Variants in GAK observed in about 807,000 individuals in gnomAD.
GAK encodes the protein cyclin-G-associated kinase.
A neutral mutation model predicts 143.9 loss-of-function variants in GAK; 79 were observed. That is an observed-to-expected ratio of 0.55 (90% CI 0.46 to 0.66). The LOEUF (loss-of-function observed/expected upper bound fraction) is 0.66, where lower values mean the gene tolerates loss of function less well. GAK is among the 30% of genes least tolerant of loss of function. The probability of loss-of-function intolerance (pLI) is 0.00; values close to 1 mark genes in which losing one functional copy is unlikely to be tolerated. For missense variants in GAK, 1,693 were observed against 1,779.7 expected (o/e 0.95, Z 0.88); for synonymous variants, 881 against 765.5 (o/e 1.15, Z -2.49).
chr4:905,584 C>CCCAGGCCACGTTACGGACTCCGCCAAA (rs1560410627), intron 4 of GAK, among the ~76,000 whole-genome samples: 1 of 151,524 alleles, frequency 6.6e-6, no homozygotes, highest in Non-Finnish European at 1.5e-5. Flanking sequence ...TTCGCCACGC[C>CCCAGGCCACGTTACGGACTCCGCCAAA]CCAGGCCACG....
rs368682799 is a variant in GAK, at chr4:905,242, G to C, written c.383-463C>G. ...CCCCCACACCGTGGAGTGTACTTTT[G>C]TTTTCAATAAATTCCCGCTTTCGTT... is the stretch of plus-strand genomic sequence containing the variant. On this transcript the variant is annotated intron_variant, in intron 4 of 27. Transcript: ENST00000314167. Among the ~76,000 whole-genome samples the C allele has an allele frequency of 9.9e-5, 15 of 152,268 alleles. No homozygotes were observed. The South Asian group carries it at 2.9e-3, about 29-fold the overall frequency.
intron 10 of GAK, 70 bp downstream of exon 10, chr4:890,462 A>C: frequency 1.7e-6 from 2 of 1,202,568 alleles, no homozygotes; most frequent in South Asian, 1.4e-5. Flanking sequence ...ACTCCATCCC[A>C]ATGTGCTGCG....
At chr4:871,726 G>A (rs1252723530) in intron 18 of GAK, among the ~76,000 whole-genome samples, 1 of 151,956 alleles carries the variant, frequency 6.6e-6, no homozygotes, top group African/African-American at 2.4e-5. Flanking sequence ...GGTCAGCAGG[G>A]CCCGCCTTGG....
intron 24 of GAK, 167 bp downstream of exon 24, chr4:859,439 G>C (rs1422377892): frequency 6.3e-7 from 1 of 1,583,126 alleles, no homozygotes; most frequent in East Asian, 2.3e-5. Context: ...CAGTCGCCTG[G>C]AACAGGTGCA....
chr4:876,825 G>A (rs1163039268), intron 17 of GAK, among the ~76,000 whole-genome samples: 2 of 152,220 alleles, frequency 1.3e-5, no homozygotes, highest in Non-Finnish European at 2.9e-5. Context: ...GCTGCTTCAC[G>A]GGACTGCCGT....
At chr4:888,562 C>A (rs1219079762) in intron 11 of GAK, 2 of 427,172 alleles carry the variant, frequency 4.7e-6, no homozygotes, top group African/African-American at 2.1e-5. Context: ...GCCAGGAACG[C>A]CCCAGAGTGA....
Position 865,351 on chromosome 4 carries a change from A to C in GAK, c.3044-107T>G, listed in dbSNP as rs552825568. 7 of 1,420,342 alleles carry C rather than the reference A, an allele frequency of 4.9e-6. No individual in the cohort carries two copies. The South Asian group carries it at 8.3e-5, about 17-fold the overall frequency. The allele number at this position is 1,420,342 out of a possible 1,614,324, so 88.0% of individuals were successfully genotyped here. A position where few individuals can be genotyped will look rare whatever the true frequency, so the allele number is the denominator to read the frequency against. The stretch of plus-strand genomic sequence containing the variant: ...GGCCCTAGGAGCGGACACCTCTTGC[A>C]CCCAGGCTGAGCTGAGGCTGGGCTG... On this transcript the variant is annotated intron_variant, in intron 22 of 27. Coordinates refer to ENST00000314167, the MANE Select transcript of GAK (RefSeq NM_005255.4).
rs371596915 is a variant in GAK, at chr4:868,622, G to A, written c.2312C>T (p.Pro771Leu). 2.6e-5 allele frequency: 41 copies of A among 1,578,772 alleles called. No individual in the cohort carries two copies. The highest frequency in any genetic ancestry group is 9.5e-5 in the African/African-American group (7 of 73,874). Residue 771 changes from proline (P) to leucine (L), a missense_variant, in exon 20 of 28, where the codon CCG (proline) becomes CTG (leucine). Physicochemically the swap from Pro to Leu is moderately conservative, Grantham distance 98 (BLOSUM62 -3). Transcript: ENST00000314167. ...TAQYDAGAGS[P>L]EAEPTDSDSP... is the part of the protein sequence containing the mutation. Reference sequence around the variant, plus strand: ...GTCAGAGTCTGTGGGTTCGGCTTCCGGGGACCCTGCCCCAGCATCATACTG... The same window carrying A: ...GTCAGAGTCTGTGGGTTCGGCTTCCAGGGACCCTGCCCCAGCATCATACTG...
chr4:880,917 G>A (rs1262490394), intron 15 of GAK, among the ~76,000 whole-genome samples: 1 of 152,194 alleles, frequency 6.6e-6, no homozygotes, highest in Non-Finnish European at 1.5e-5. Flanking sequence ...AGGCCCCACC[G>A]CACCTGGCCT....
intron 1 of GAK, among the ~76,000 whole-genome samples, chr4:914,477 C>T (rs1294234071): frequency 1.6e-4 from 15 of 93,124 alleles, no homozygotes; most frequent in Non-Finnish European, 1.3e-4. Context: ...CACGGCCCCA[C>T]ACACACACAG....
At chr4:911,874 CTG>C in intron 3 of GAK, 87 bp from the exon 4 acceptor site, 1 of 1,030,726 alleles carries the variant, frequency 9.7e-7, no homozygotes, top group Non-Finnish European at 1.5e-6. Context: ...TATTAACACA[CTG>C]AAGTCAGAAT....
chr4:856,411 TCAC>T (rs576342349), intron 24 of GAK, among the ~76,000 whole-genome samples: 549 of 54,730 alleles, frequency 0.01, 10 homozygotes, highest in Non-Finnish European at 0.015. Flanking sequence ...CCACAGCTGC[TCAC>T]CACAGCTGCT....
rs771842755 is a variant in GAK at position 871,521 on chromosome 4, G to A, written c.2055-617C>T. On this transcript the variant is annotated intron_variant, in intron 18 of 27. Transcript: ENST00000314167. Reference sequence around the variant, plus strand: ...TCTAGAATCCGGCTGCCAGGGAATTGGGAACATGATTCCGGGGGAAACAAA... The same window carrying A: ...TCTAGAATCCGGCTGCCAGGGAATTAGGAACATGATTCCGGGGGAAACAAA... Among the ~76,000 whole-genome samples, 5 of 152,232 alleles carry A rather than the reference G, an allele frequency of 3.3e-5. No individual in the cohort carries two copies. In the East Asian group the frequency reaches 5.8e-4, roughly 18 times the overall value.
intron 1 of GAK, among the ~76,000 whole-genome samples, chr4:919,569 G>A (rs1362182722): frequency 6.6e-6 from 1 of 152,178 alleles, no homozygotes; most frequent in African/African-American, 2.4e-5. Context: ...CACACCACAG[G>A]CCTGGAAGGG....
chr4:891,810 A>G (rs919304395), intron 9 of GAK, among the ~76,000 whole-genome samples: 1 of 152,142 alleles, frequency 6.6e-6, no homozygotes, highest in South Asian at 2.1e-4. Flanking sequence ...CCAGGCTGCT[A>G]AAGAGCAGGA....
chr4:931,127 AC>A (rs1474108629), intron 1 of GAK, among the ~76,000 whole-genome samples: 3 of 152,246 alleles, frequency 2.0e-5, no homozygotes, highest in African/African-American at 7.2e-5. Flanking sequence ...AGGAAAATCC[AC>A]AAGAGAGAAT....
chr4:920,257 G>A (rs1475381057), intron 1 of GAK, among the ~76,000 whole-genome samples: 3 of 149,734 alleles, frequency 2.0e-5, no homozygotes, highest in South Asian at 2.1e-4. Flanking sequence ...GCAGTGAGCC[G>A]AGATCACGCC....
chr4:851,837 C>G lies in GAK; in HGVS notation c.3421G>C (p.Ala1141Pro), dbSNP rs1016626619. The change falls in exon 25 of 28, where the codon GCC becomes CCC. Residue 1141 changes from alanine (A) to proline (P), a missense_variant. Coordinates refer to ENST00000314167, the MANE Select transcript of GAK (RefSeq NM_005255.4). ...TAGTTAGGCCTTGGCTGTGTGCAGG[C>G]TTTGGGGGGCGGCTTGGCCTGAGGG... ...WPPQAKPPPK[A>P]CTQPRPNYAS... The G allele has an allele frequency of 6.2e-7, 1 of 1,609,408 alleles. No homozygotes were observed. Among genetic ancestry groups the G allele is most frequent in the Non-Finnish European group, 8.5e-7 (1 of 1,177,306 alleles).
chr4:900,228 C>G (rs1719607094), intron 5 of GAK, among the ~76,000 whole-genome samples: 1 of 152,228 alleles, frequency 6.6e-6, no homozygotes, highest in Non-Finnish European at 1.5e-5. Flanking sequence ...CGTTCCCATT[C>G]TACAGCCAAC....
Sources: allele counts gnomAD v4.1 joint callset (sites outside exome capture counted in the v4.1 genomes callset), GRCh38; gene constraint gnomAD v4.1.1; transcripts MANE v1.5; gene names NCBI Gene and HGNC (gene_info 2026-07-23, HGNC 2026-07-21).